The following ZNF431 variants were observed in gnomAD, a reference collection of about 807,000 sequenced individuals.
ZNF431 encodes zinc finger protein 431.
Under a neutral mutation model 57.0 loss-of-function variants are expected in ZNF431, and 34 were observed. The observed-to-expected ratio is 0.60, with a 90% CI of 0.45 to 0.79. The LOEUF (loss-of-function observed/expected upper bound fraction) is 0.79, where lower values mean the gene tolerates loss of function less well. ZNF431 is among the 30% of genes least tolerant of loss of function. The probability of loss-of-function intolerance (pLI) is 0.00; values close to 1 mark genes in which losing one functional copy is unlikely to be tolerated. For synonymous variants in ZNF431, 207 were observed against 220.3 expected, an observed-to-expected ratio of 0.94 and a Z score of 0.54; for missense variants, 607 against 667.1, an observed-to-expected ratio of 0.91 and a Z score of 0.99.
At chr19:21,151,942 A>C (rs2144942221) in intron 2 of ZNF431, among the ~76,000 whole-genome samples, 1 of 152,396 alleles carries the variant, frequency 6.6e-6, no homozygotes, top group East Asian at 1.9e-4. Context: ...CACTTTTGCC[A>C]GCATGCCAGG....
chr19:21,178,714 C>G (rs565002464), intron 4 of ZNF431, among the ~76,000 whole-genome samples: 1 of 151,732 alleles, frequency 6.6e-6, no homozygotes, highest in Non-Finnish European at 1.5e-5. Context: ...AGCTTTTTGA[C>G]GTGCTGCTGG....
In ZNF431 at chr19:21,185,959, A is replaced by G. The variant is rs1396750955; in HGVS notation, c.*1925A>G. 6.6e-6 allele frequency: 1 copy of G among 152,174 alleles called. No homozygotes were observed. The highest frequency in any genetic ancestry group is 1.5e-5 in the Non-Finnish European group (1 of 68,034). The allele number at this position is 152,174 out of a possible 1,614,324, so 9.4% of individuals were successfully genotyped here. On this transcript the variant is annotated 3_prime_UTR_variant, in exon 5 of 5. Transcript: ENST00000311048. The stretch of plus-strand genomic sequence containing the variant: ...CATAATAAAAATTATATACGAGTAT[A>G]AATGAAATTCATTTCTAAATTCTTA...
Position 21,192,492 on chromosome 19 carries a change from G to T in ZNF431, c.*8458G>T, listed in dbSNP as rs1971529333. ...GTTTATAATTTTTAAGATTTACTAA[G>T]GTCTTAGGCTTTTTTATACTTCAGA... On this transcript the variant is annotated 3_prime_UTR_variant, in exon 5 of 5. Coordinates refer to ENST00000311048, the MANE Select transcript of ZNF431 (RefSeq NM_133473.4). 1 of 152,072 alleles carries T rather than the reference G, an allele frequency of 6.6e-6. No individual in the cohort carries two copies. Among genetic ancestry groups the T allele is most frequent in the African/African-American group, 2.4e-5 (1 of 41,410 alleles). The allele number at this position is 152,072 out of a possible 1,614,324, so 9.4% of individuals were successfully genotyped here.
chr19:21,181,096 A>C (rs545071910), intron 4 of ZNF431, among the ~76,000 whole-genome samples: 41 of 152,196 alleles, frequency 2.7e-4, no homozygotes, highest in Non-Finnish European at 5.0e-4. Context: ...GTACCTTTCA[A>C]ATTTTAGAGA....
At chr19:21,180,428 C>T (rs907883050) in intron 4 of ZNF431, among the ~76,000 whole-genome samples, 10 of 152,140 alleles carry the variant, frequency 6.6e-5, no homozygotes, top group Non-Finnish European at 1.3e-4. Flanking sequence ...TTTTTCTCCA[C>T]TTATGCAGAC....
At chr19:21,174,792 G>A (rs1216912745) in intron 4 of ZNF431, among the ~76,000 whole-genome samples, 2 of 151,594 alleles carry the variant, frequency 1.3e-5, no homozygotes, top group Non-Finnish European at 2.9e-5. Flanking sequence ...ATTTTTTTGA[G>A]ATGGCATCTC....
Position 21,189,622 on chromosome 19 carries a change from C to T in ZNF431, c.*5588C>T. On this transcript the variant is annotated 3_prime_UTR_variant, in exon 5 of 5. Transcript: ENST00000311048. ...ATAAATCTCTTGAACTTATTTCTTCCATTTGACTATAATTATGTATTATTT... is the reference window on the plus strand; with the variant it reads ...ATAAATCTCTTGAACTTATTTCTTCTATTTGACTATAATTATGTATTATTT... The T allele has an allele frequency of 3.0e-6, 1 of 332,366 alleles. No homozygotes were observed. Among genetic ancestry groups the T allele is most frequent in the Non-Finnish European group, 5.4e-6 (1 of 185,630 alleles). The allele number at this position is 332,366 out of a possible 1,614,324, so 20.6% of individuals were successfully genotyped here.
chr19:21,145,539 G>A (rs1005392270), intron 2 of ZNF431, among the ~76,000 whole-genome samples: 10 of 152,208 alleles, frequency 6.6e-5, no homozygotes, highest in African/African-American at 2.2e-4. Context: ...CTCCCCTGCA[G>A]ATGTCCCAGT....
Position 21,193,785 on chromosome 19 carries a change from T to A in ZNF431, c.*9751T>A, listed in dbSNP as rs1431067938. ...TTCACCATACAATTAAAAGCAAAAA[T>A]TTATATGATTAACACAATAGATGCA... On this transcript the variant is annotated 3_prime_UTR_variant, in exon 5 of 5. Transcript: ENST00000311048. The A allele has an allele frequency of 6.6e-6, 1 of 152,120 alleles. No individual in the cohort carries two copies. The highest frequency in any genetic ancestry group is 2.4e-5 in the African/African-American group (1 of 41,424). 9.4% of individuals were successfully genotyped at this position (152,120 alleles called of 1,614,324 possible).
intron 4 of ZNF431, among the ~76,000 whole-genome samples, chr19:21,171,261 C>T (rs567188960): frequency 6.6e-6 from 1 of 152,114 alleles, no homozygotes; most frequent in Admixed American, 6.5e-5. Context: ...ACCTGCCTTC[C>T]CTGAGTACAC....
chr19:21,166,262 T>A (rs1055852771), intron 2 of ZNF431, 73 bp from the exon 3 acceptor site: 12 of 1,565,876 alleles, frequency 7.7e-6, no homozygotes, highest in Non-Finnish European at 1.0e-5. Flanking sequence ...TCAATTCACC[T>A]TAATTCAAAT....
At chr19:21,159,497 C>T (rs1210709926) in intron 2 of ZNF431, among the ~76,000 whole-genome samples, 1 of 152,090 alleles carries the variant, frequency 6.6e-6, no homozygotes, top group Non-Finnish European at 1.5e-5. Flanking sequence ...CTCAGCCTCA[C>T]GAGTAGCTGG....
intron 4 of ZNF431, among the ~76,000 whole-genome samples, chr19:21,176,016 G>A (rs954407693): frequency 2.0e-5 from 3 of 152,110 alleles, no homozygotes; most frequent in Non-Finnish European, 2.9e-5. Context: ...CTTTCACAAT[G>A]GTTGAACTAA....
intron 2 of ZNF431, chr19:21,149,845 G>T: frequency 1.5e-6 from 1 of 652,712 alleles, no homozygotes. Context: ...AGACGACAGT[G>T]GTGCAGGTCT....
chr19:21,183,918 C>G lies in ZNF431; in HGVS notation c.1615C>G (p.Pro539Ala), dbSNP rs766089089. The G allele has an allele frequency of 6.2e-6, 10 of 1,613,772 alleles. No homozygotes were observed. The highest frequency in any genetic ancestry group is 6.8e-6 in the Non-Finnish European group (8 of 1,179,790). ...TAGGAAAATTCATACTAGACAGAAACCCTACAACTGTGAAGAATGTGACAA... is the reference window on the plus strand; with the variant it reads ...TAGGAAAATTCATACTAGACAGAAAGCCTACAACTGTGAAGAATGTGACAA... ...KHRKIHTRQK[P>A]YNCEECDNTF... is the part of the protein sequence containing the mutation. Residue 539 changes from proline (P) to alanine (A), a missense_variant, in exon 5 of 5, where the codon CCC becomes GCC. Coordinates refer to ENST00000311048, the MANE Select transcript of ZNF431 (RefSeq NM_133473.4).
Position 21,188,794 on chromosome 19 carries a change from G to A in ZNF431, c.*4760G>A, listed in dbSNP as rs1325294350. 6.6e-6 allele frequency: 1 copy of A among 152,122 alleles called. No homozygotes were observed. The highest frequency in any genetic ancestry group is 2.4e-5 in the African/African-American group (1 of 41,424). 9.4% of individuals were successfully genotyped at this position (152,122 alleles called of 1,614,324 possible). ...AACTAGTTTACTGTGTTCACAGAGT[G>A]GCCAGTCATGGGACCATAAGCAACA... is the stretch of plus-strand genomic sequence containing the variant. On this transcript the variant is annotated 3_prime_UTR_variant, in exon 5 of 5. Coordinates refer to ENST00000311048, the MANE Select transcript of ZNF431 (RefSeq NM_133473.4).
At chr19:21,144,138 T>C (rs1970017417) in intron 2 of ZNF431, among the ~76,000 whole-genome samples, 1 of 152,162 alleles carries the variant, frequency 6.6e-6, no homozygotes, top group Admixed American at 6.5e-5. Context: ...AAATATTTGT[T>C]TACTTATTTT....
chr19:21,150,446 C>T (rs956586023), intron 2 of ZNF431: 6 of 241,432 alleles, frequency 2.5e-5, no homozygotes, highest in Non-Finnish European at 3.2e-5. Flanking sequence ...CATCTTGGGT[C>T]GGGGGAGGAG....
chr19:21,195,975 C>T lies in ZNF431; in HGVS notation c.*11941C>T, dbSNP rs1181731319. On this transcript the variant is annotated 3_prime_UTR_variant, in exon 5 of 5. Coordinates refer to ENST00000311048, the MANE Select transcript of ZNF431 (RefSeq NM_133473.4). Reference sequence around the variant, plus strand: ...TATTATCATCAGTGTATTCATGATTCGATTTATATTTTGTGTTATCTGGTT... The same window carrying T: ...TATTATCATCAGTGTATTCATGATTTGATTTATATTTTGTGTTATCTGGTT... The T allele has an allele frequency of 4.0e-5, 6 of 151,774 alleles. No homozygotes were observed. The highest frequency in any genetic ancestry group is 7.4e-5 in the Non-Finnish European group (5 of 67,946). The allele number at this position is 151,774 out of a possible 1,614,324, so 9.4% of individuals were successfully genotyped here.
Sources: allele counts gnomAD v4.1 joint callset (sites outside exome capture counted in the v4.1 genomes callset), GRCh38; gene constraint gnomAD v4.1.1; transcripts MANE v1.5; gene names NCBI Gene and HGNC (gene_info 2026-07-23, HGNC 2026-07-21).